Variants in SERPINB8 observed in about 807,000 individuals in gnomAD.
SERPINB8 encodes the protein serpin B8.
In SERPINB8, 25 loss-of-function variants were observed where a neutral mutation model predicts 35.3. The observed-to-expected ratio is 0.71, with a 90% CI of 0.52 to 0.99. The LOEUF is 0.99. Among genes scored for constraint, SERPINB8 ranks in the 50% least tolerant of loss-of-function variants. The pLI is 0.00. For synonymous variants in SERPINB8, 186 were observed against 160.8 expected, an observed-to-expected ratio of 1.16 and a Z score of -1.19; for missense variants, 484 against 446.5, an observed-to-expected ratio of 1.08 and a Z score of -0.76.
chr18:63,996,625 A>T (rs1318619274), intron 1 of SERPINB8, among the ~76,000 whole-genome samples: 1 of 152,212 alleles, frequency 6.6e-6, no homozygotes, highest in Admixed American at 6.5e-5. Flanking sequence ...CTTGCACTCT[A>T]TTGATGACAT....
At chr18:63,989,799 T>C (rs1263535), downstream of SERPINB8, among the ~76,000 whole-genome samples, 57,939 of 149,854 alleles carry the variant, frequency 0.39, 11,759 homozygotes, top group African/African-American at 0.53. Flanking sequence ...AAAAATTAGC[T>C]GGGCGTAGTG....
chr18:63,989,692 C>G (rs559167697), downstream of SERPINB8, among the ~76,000 whole-genome samples: 9 of 152,136 alleles, frequency 5.9e-5, no homozygotes, highest in South Asian at 1.5e-3. Context: ...GCCTGTAATC[C>G]CAGCACTTTG....
At chr18:64,015,281 G>A (rs75397608) in intron 7 of SERPINB8, among the ~76,000 whole-genome samples, 590 of 152,300 alleles carry the variant, frequency 3.9e-3, no homozygotes, top group Non-Finnish European at 6.6e-3. Context: ...GGGTGGATTT[G>A]TAGATAGACT....
chr18:63,995,808 C>A (rs868052674), intron 1 of SERPINB8, among the ~76,000 whole-genome samples: 11 of 152,202 alleles, frequency 7.2e-5, no homozygotes, highest in Middle Eastern at 3.2e-3. Flanking sequence ...ATGAGTATTG[C>A]AAAGACGAAT....
chr18:63,983,428 C>T, intron 4 of SERPINB8, 151 bp from the exon 5 acceptor site: 1 of 690,276 alleles, frequency 1.4e-6, no homozygotes, highest in Non-Finnish European at 2.5e-6. Context: ...TGCCACACTG[C>T]TAAACACCAT....
chr18:63,978,429 A>G lies in SERPINB8; in HGVS notation c.121A>G (p.Met41Val), dbSNP rs924828240. The stretch of plus-strand genomic sequence containing the variant: ...CATGAGCATCTCCTCTGCCCTGGCC[A>G]TGGTCTTCATGGGGGCAAAGGGAAG... ...SPMSISSALA[M>V]VFMGAKGSTA... The change falls in exon 2 of 7, where the codon ATG (methionine) becomes GTG (valine). Residue 41 changes from methionine (M) to valine (V), a missense_variant. Coordinates refer to ENST00000397985, the MANE Select transcript of SERPINB8 (RefSeq NM_002640.4). 1.2e-6 allele frequency: 2 copies of G among 1,614,208 alleles called. No individual in the cohort carries two copies. Among genetic ancestry groups the G allele is most frequent in the East Asian group, 2.2e-5 (1 of 44,888 alleles).
rs1385181572 is a variant in SERPINB8 at position 64,001,471 on chromosome 18, G to GTTTATTTA, written c.71-3345_71-3344insATTTATTT. Among the ~76,000 whole-genome samples the GTTTATTTA allele has an allele frequency of 5.2e-4, 58 of 111,930 alleles. No individual in the cohort carries two copies. The South Asian group carries it at 0.011, about 20-fold the overall frequency. The allele number at this position is 111,930 out of a possible 152,430, so 73.4% of individuals were successfully genotyped here. A position where few individuals can be genotyped will look rare whatever the true frequency, so the allele number is the denominator to read the frequency against. Reference sequence around the variant, plus strand: ...GCTTTCTTTTCTTTTCTGTTTGTTTGTTTGTTTATTTATTTATTTATTTAT... The same window carrying GTTTATTTA: ...GCTTTCTTTTCTTTTCTGTTTGTTTGTTTATTTATTTGTTTATTTATTTATTTATTTAT... On this transcript the variant is annotated intron_variant, in intron 1 of 1. Transcript: ENST00000493661.
intron 1 of SERPINB8, among the ~76,000 whole-genome samples, chr18:63,973,109 A>G (rs911688433): frequency 1.3e-5 from 2 of 152,206 alleles, no homozygotes; most frequent in African/African-American, 2.4e-5. Flanking sequence ...TCCTACCAAG[A>G]GTTTAAAAGT....
At chr18:63,998,633 C>A (rs2050860869) in intron 1 of SERPINB8, among the ~76,000 whole-genome samples, 1 of 152,074 alleles carries the variant, frequency 6.6e-6, no homozygotes, top group Admixed American at 6.5e-5. Flanking sequence ...AGTTGCACAC[C>A]CCTCTTTTAA....
At chr18:63,998,233 C>T (rs79156987) in intron 1 of SERPINB8, among the ~76,000 whole-genome samples, 2,337 of 152,292 alleles carry the variant, frequency 0.015, 35 homozygotes, top group Non-Finnish European at 0.023. Context: ...GATGAGTTCT[C>T]TGTATTTGGA....
At chr18:63,982,553 A>G (rs973172136) in intron 4 of SERPINB8, among the ~76,000 whole-genome samples, 3 of 152,186 alleles carry the variant, frequency 2.0e-5, no homozygotes, top group Non-Finnish European at 4.4e-5. Context: ...CATCCATTCC[A>G]TCCTATGTCG....
At chr18:64,001,680 T>A (rs796538704) in intron 1 of SERPINB8, among the ~76,000 whole-genome samples, 102 of 151,554 alleles carry the variant, frequency 6.7e-4, no homozygotes, top group African/African-American at 2.4e-3. Context: ...AGAGACAGGG[T>A]TTAATCACGT....
At chr18:63,996,782 C>T (rs2050851785) in intron 1 of SERPINB8, among the ~76,000 whole-genome samples, 2 of 152,252 alleles carry the variant, frequency 1.3e-5, no homozygotes, top group Admixed American at 1.3e-4. Context: ...AGTGGCACAA[C>T]ATCTCGTTTA....
At chr18:64,002,843 C>T (rs2050882477) in intron 1 of SERPINB8, among the ~76,000 whole-genome samples, 1 of 152,106 alleles carries the variant, frequency 6.6e-6, no homozygotes, top group Admixed American at 6.5e-5. Context: ...CGCCTGCAGT[C>T]GCCGCCGTCT....
chr18:63,991,817 T>C (rs899856027), downstream of SERPINB8, among the ~76,000 whole-genome samples: 4 of 152,216 alleles, frequency 2.6e-5, no homozygotes, highest in Non-Finnish European at 5.9e-5. Context: ...AGGTGCCCTT[T>C]AACAGGTGAA....
rs1400332626 is a variant in SERPINB8, at chr18:63,971,731, T to G, written c.-11+1561T>G. On this transcript the variant is annotated intron_variant, in intron 1 of 6. Transcript: ENST00000397985. ...CCGGGTTATCTTTCTAAAGCCCCAA[T>G]GCACTCATATGAGACGTTTGTTTAA... Among the ~76,000 whole-genome samples, 19 of 152,214 alleles carry G rather than the reference T, an allele frequency of 1.2e-4. 1 individual carries two copies. Among genetic ancestry groups the G allele is most frequent in the Admixed American group, 1.2e-3 (18 of 15,280 alleles).
chr18:63,995,276 G>A (rs535089717), intron 1 of SERPINB8, among the ~76,000 whole-genome samples: 24 of 152,300 alleles, frequency 1.6e-4, no homozygotes, highest in Middle Eastern at 3.4e-3. Flanking sequence ...GTTAGGCTGA[G>A]GTCCCTCTGT....
chr18:64,019,646 C>T (rs143694576), exon 8 of SERPINB8: 1 of 151,968 alleles, frequency 6.6e-6, no homozygotes, highest in Admixed American at 6.6e-5. Context: ...CACAGCAACA[C>T]TGATCTACCC....
In SERPINB8 at chr18:63,987,434, T is replaced by C. The variant is rs747789594; in HGVS notation, c.*156T>C. ...GTCTTTGCTGAAAGTTCCAGAGCCA[T>C]TGAGAATAACTGAGGCCGCAGATGC... On this transcript the variant is annotated 3_prime_UTR_variant, in exon 7 of 7. Coordinates refer to ENST00000397985, the MANE Select transcript of SERPINB8 (RefSeq NM_002640.4). 11 of 823,138 alleles carry C rather than the reference T, an allele frequency of 1.3e-5. No homozygotes were observed. The highest frequency in any genetic ancestry group is 3.4e-5 in the African/African-American group (2 of 58,594). The allele number at this position is 823,138 out of a possible 1,614,324, so 51.0% of individuals were successfully genotyped here. A position where few individuals can be genotyped will look rare whatever the true frequency, so the allele number is the denominator to read the frequency against.
Sources: allele counts gnomAD v4.1 joint callset (sites outside exome capture counted in the v4.1 genomes callset), GRCh38; gene constraint gnomAD v4.1.1; transcripts MANE v1.5; gene names NCBI Gene and HGNC (gene_info 2026-07-23, HGNC 2026-07-21).